Variants in AGAP3 observed in about 807,000 individuals in gnomAD.
AGAP3 encodes arf-GAP with GTPase, ANK repeat and PH domain-containing protein 3.
AGAP3 carries 24 observed loss-of-function variants against 96.9 expected under a neutral mutation model. That is an observed-to-expected ratio of 0.25 (90% CI 0.18 to 0.35). The LOEUF (loss-of-function observed/expected upper bound fraction) is 0.35, where lower values mean the gene tolerates loss of function less well. AGAP3 is among the 10% of genes least tolerant of loss of function. The pLI is 1.00. For synonymous variants in AGAP3, 563 were observed against 536.1 expected, an observed-to-expected ratio of 1.05 and a Z score of -0.69; for missense variants, 876 against 1,254.2, an observed-to-expected ratio of 0.70 and a Z score of 4.55.
chr7:151,115,068 C>CCCAGCCCCGCGTCCAGCCCCGCGT (rs747200514), intron 1 of AGAP3: 1 of 1,019,808 alleles, frequency 9.8e-7, no homozygotes, highest in Non-Finnish European at 1.2e-6. Context: ...CTCGCCTGCG[C>CCCAGCCCCGCGTCCAGCCCCGCGT]CCAGCCCCGC....
intron 1 of AGAP3, among the ~76,000 whole-genome samples, chr7:151,111,267 A>G (rs1799271689): frequency 6.6e-6 from 1 of 152,074 alleles, no homozygotes; most frequent in Non-Finnish European, 1.5e-5. Flanking sequence ...ACTGTTTGGG[A>G]GGGCCACGGT....
At chr7:151,111,163 C>G (rs1040624738) in intron 1 of AGAP3, among the ~76,000 whole-genome samples, 8 of 152,168 alleles carry the variant, frequency 5.3e-5, no homozygotes, top group African/African-American at 1.9e-4. Flanking sequence ...GGGTGTGTGG[C>G]CAGCCCTAGC....
chr7:151,134,959 C>G (rs1305222380), intron 11 of AGAP3, among the ~76,000 whole-genome samples: 1 of 152,148 alleles, frequency 6.6e-6, no homozygotes, highest in Non-Finnish European at 1.5e-5. Flanking sequence ...ACGGAGCTGT[C>G]TGAGGTCAAC....
Position 151,138,138 on chromosome 7 carries a change from C to A in AGAP3, c.1496-5C>A. The A allele has an allele frequency of 6.3e-7, 1 of 1,588,282 alleles. No homozygotes were observed. The highest frequency in any genetic ancestry group is 2.3e-5 in the East Asian group (1 of 43,568). On this transcript the variant is annotated splice_region_variant and splice_polypyrimidine_tract_variant and intron_variant, in intron 11 of 17. Transcript: ENST00000397238. ...CCTTCCCAGTCTGACCCTTCCCGCC[C>A]CCAGGTGCCCCCCACTCGGCCAGCA... is the stretch of plus-strand genomic sequence containing the variant.
At position 151,142,013 on chromosome 7, in the gene AGAP3, C is replaced by T; in HGVS notation, c.1920C>T (p.Ile640=). The T allele has an allele frequency of 6.2e-7, 1 of 1,613,564 alleles. No individual in the cohort carries two copies. The highest frequency in any genetic ancestry group is 2.2e-5 in the East Asian group (1 of 44,842). ...GGGTTCAGAGTGTGCAGGCCCAGAT[C>T]CTTGCCAGCCTGCAAGGCTGCCGCA... ...ELWVQSVQAQ[I]LASLQGCRSA... is the part of the protein sequence containing the mutation. Residue 640 remains isoleucine, a synonymous_variant, in exon 14 of 18, where the codon ATC becomes ATT. Transcript: ENST00000397238. This position sits in a 1 kb window ranked among gnomAD's most constrained non-coding sequence, Gnocchi z 7.5.
intron 1 of AGAP3, chr7:151,115,199 G>A (rs907014513): frequency 8.9e-6 from 9 of 1,008,262 alleles, no homozygotes; most frequent in African/African-American, 1.8e-5. Flanking sequence ...CCGAGGCGCC[G>A]GGCGCGGGTC....
At chr7:151,138,420 C>T in intron 12 of AGAP3, 107 bp downstream of exon 12, 2 of 1,331,266 alleles carry the variant, frequency 1.5e-6, no homozygotes, top group Non-Finnish European at 2.0e-6. Flanking sequence ...GGACAGTGTC[C>T]AGGCCAAGGG....
chr7:151,111,238 T>C (rs1799270130), intron 1 of AGAP3, among the ~76,000 whole-genome samples: 1 of 152,176 alleles, frequency 6.6e-6, no homozygotes, highest in African/African-American at 2.4e-5. Flanking sequence ...GCTGCCACCT[T>C]GTGGGCAAGA....
intron 9 of AGAP3, 196 bp from the exon 10 acceptor site, chr7:151,128,384 A>G: frequency 1.8e-6 from 1 of 551,696 alleles, no homozygotes; most frequent in Non-Finnish European, 3.3e-6. Context: ...ATGATGGGGG[A>G]GAGCCGAGTT....
rs1431949534 is a variant in AGAP3, at chr7:151,141,890, C to G, written c.1805-8C>G. On this transcript the variant is annotated splice_polypyrimidine_tract_variant and splice_region_variant and intron_variant, in intron 13 of 17. Coordinates refer to ENST00000397238, the MANE Select transcript of AGAP3 (RefSeq NM_031946.7). The surrounding 1 kb of genome is among the most constrained non-coding windows in gnomAD (Gnocchi z 4.2). ...GGAGCCCTGATGGCATAAACACCCC[C>G]CCAACAGAGGCAGAGGAGTCGTTTG... The G allele has an allele frequency of 6.2e-7, 1 of 1,614,040 alleles. No homozygotes were observed. The highest frequency in any genetic ancestry group is 1.7e-5 in the Admixed American group (1 of 60,000).
At position 151,103,867 on chromosome 7, in the gene AGAP3, C is replaced by T. The variant is rs137858382; in HGVS notation, c.332-12926C>T. On this transcript the variant is annotated intron_variant, in intron 1 of 17. Coordinates refer to ENST00000397238, the MANE Select transcript of AGAP3 (RefSeq NM_031946.7). Reference sequence around the variant, plus strand: ...CTGTAGAAGGCCCGAGTCCTGGAACCGTGACGTGGGCTGGCTGGCGCTGGG... The same window carrying T: ...CTGTAGAAGGCCCGAGTCCTGGAACTGTGACGTGGGCTGGCTGGCGCTGGG... Among the ~76,000 whole-genome samples, 110 of 152,322 alleles carry T rather than the reference C, an allele frequency of 7.2e-4. 1 individual carries two copies. The highest frequency in any genetic ancestry group is 6.8e-3 in the Middle Eastern group (2 of 292).
chr7:151,114,818 C>G lies in AGAP3; in HGVS notation c.332-1975C>G. The G allele has an allele frequency of 1.9e-6, 2 of 1,055,036 alleles. No individual in the cohort carries two copies. Among genetic ancestry groups the G allele is most frequent in the Non-Finnish European group, 1.1e-6 (1 of 876,278 alleles). The allele number at this position is 1,055,036 out of a possible 1,614,324, so 65.4% of individuals were successfully genotyped here. On this transcript the variant is annotated intron_variant, in intron 1 of 17. Transcript: ENST00000397238. The surrounding 1 kb of genome is among the most constrained non-coding windows in gnomAD (Gnocchi z 4.4). ...GGGACAGCTGTCCCGGGGAGCGGCC[C>G]GCCGCTTGCCGCCGCGCCCACAGCG... is the stretch of plus-strand genomic sequence containing the variant.
intron 9 of AGAP3, among the ~76,000 whole-genome samples, chr7:151,126,287 G>A (rs1280715514): frequency 6.7e-6 from 1 of 148,738 alleles, no homozygotes; most frequent in African/African-American, 2.4e-5. Context: ...CCTGACTGTC[G>A]GAGAAACCGC....
chr7:151,126,307 A>G (rs1341165890), intron 9 of AGAP3, among the ~76,000 whole-genome samples: 1 of 152,038 alleles, frequency 6.6e-6, no homozygotes, highest in African/African-American at 2.4e-5. Flanking sequence ...CGCGCAGTGC[A>G]GGCCTTGAGG....
In AGAP3 at chr7:151,116,811, A is replaced by T; in HGVS notation, c.350A>T (p.Gln117Leu). 1 of 1,614,094 alleles carries T rather than the reference A, an allele frequency of 6.2e-7. No homozygotes were observed. Among genetic ancestry groups the T allele is most frequent in the Non-Finnish European group, 8.5e-7 (1 of 1,179,996 alleles). ...TCCGCAGACTCGTTTGTGAACAGCC[A>T]GGAGTGGACGCTGAGCCGCTCCGTA... ...ISIEDSFVNS[Q>L]EWTLSRSVPE... The change falls in exon 2 of 18, where the codon CAG becomes CTG. Residue 117 changes from glutamine (Q) to leucine (L), a missense_variant. By Grantham distance (113) the Gln-to-Leu change is moderately radical. Coordinates refer to ENST00000397238, the MANE Select transcript of AGAP3 (RefSeq NM_031946.7).
At chr7:151,104,220 G>A (rs986378217) in intron 1 of AGAP3, among the ~76,000 whole-genome samples, 3 of 152,194 alleles carry the variant, frequency 2.0e-5, no homozygotes, top group Admixed American at 6.5e-5. Context: ...CTTTCTGTAA[G>A]TATTAGCCAG....
At chr7:151,123,745 C>T (rs752986685) in intron 8 of AGAP3, 49 bp from the exon 9 acceptor site, 7 of 1,603,436 alleles carry the variant, frequency 4.4e-6, no homozygotes, top group South Asian at 1.1e-5. Context: ...GTGGGCAGCT[C>T]TCGGCAGACC....
intron 1 of AGAP3, among the ~76,000 whole-genome samples, chr7:151,102,664 G>A (rs1159781020): frequency 6.6e-6 from 1 of 151,396 alleles, no homozygotes; most frequent in Admixed American, 6.6e-5. Flanking sequence ...AGGCTGGAGC[G>A]CAGTGTCATG....
intron 1 of AGAP3, among the ~76,000 whole-genome samples, chr7:151,092,523 G>A (rs550026825): frequency 2.0e-5 from 3 of 152,334 alleles, no homozygotes; most frequent in African/African-American, 4.8e-5. Context: ...GCCCAGCCAC[G>A]TGCTTTGAGG....
Sources: gnomAD v4.1 joint callset for allele counts (sites outside exome capture counted in the v4.1 genomes callset) on GRCh38, gnomAD v4.1.1 for gene constraint, Gnocchi (gnomAD v3.1) non-coding constraint, MANE v1.5 for transcripts, NCBI Gene and HGNC (gene_info 2026-07-23, HGNC 2026-07-21) for gene names.